Variants in TLE1 observed in about 807,000 individuals in gnomAD.
TLE1 encodes transducin-like enhancer protein 1.
TLE1 carries 21 observed loss-of-function variants against 89.8 expected under a neutral mutation model. The ratio of observed to expected loss-of-function variants is 0.23; its 90% confidence interval spans 0.17 to 0.34. The LOEUF is 0.34. TLE1 is among the 10% of genes least tolerant of loss of function. TLE1 has a pLI of 1.00. For missense variants in TLE1, 795 were observed against 1,031.2 expected (o/e 0.77, Z 3.14); for synonymous variants, 447 against 407.6 (o/e 1.10, Z -1.16).
Position 81,584,316 on chromosome 9 carries a change from A to G in TLE1, c.2206-11T>C. 1 of 1,613,564 alleles carries G rather than the reference A, an allele frequency of 6.2e-7. No homozygotes were observed. Among genetic ancestry groups the G allele is most frequent in the Non-Finnish European group, 8.5e-7 (1 of 1,179,502 alleles). On this transcript the variant is annotated splice_polypyrimidine_tract_variant and intron_variant, in intron 19 of 19. Transcript: ENST00000376499. ...CGAGGACTCTTTGGACTGGAAGAGAAAACAATGGACATGTGTTTAATGTGG... is the reference window on the plus strand; with the variant it reads ...CGAGGACTCTTTGGACTGGAAGAGAGAACAATGGACATGTGTTTAATGTGG...
intron 4 of TLE1, among the ~76,000 whole-genome samples, chr9:81,683,080 C>T (rs1833825937): frequency 6.6e-6 from 1 of 152,190 alleles, no homozygotes; most frequent in South Asian, 2.1e-4. Flanking sequence ...ACAGGAAAGT[C>T]AGCAGTGAGA....
intron 14 of TLE1, among the ~76,000 whole-genome samples, chr9:81,602,027 G>A (rs1830988546): frequency 1.3e-5 from 2 of 152,300 alleles, no homozygotes; most frequent in South Asian, 4.1e-4. Context: ...AGTGTCATAA[G>A]ATGTTTCACG....
chr9:81,674,298 T>C (rs570949995), intron 4 of TLE1, among the ~76,000 whole-genome samples: 15 of 152,342 alleles, frequency 9.8e-5, no homozygotes, highest in African/African-American at 3.4e-4. Flanking sequence ...GTCAATACAC[T>C]GGCTGGCCAC....
At chr9:81,641,167 T>C (rs910049144) in intron 6 of TLE1, among the ~76,000 whole-genome samples, 4 of 152,142 alleles carry the variant, frequency 2.6e-5, no homozygotes, top group African/African-American at 7.2e-5. Flanking sequence ...TATTTCCCTG[T>C]TCTTTAAAAC....
chr9:81,611,304 G>T (rs1201825744), intron 13 of TLE1, among the ~76,000 whole-genome samples: 1 of 152,102 alleles, frequency 6.6e-6, no homozygotes, highest in African/African-American at 2.4e-5. Flanking sequence ...TCATGCTATT[G>T]GGTTTAAAGT....
At chr9:81,599,013 CCTAA>C (rs1259505028) in intron 14 of TLE1, among the ~76,000 whole-genome samples, 14 of 152,196 alleles carry the variant, frequency 9.2e-5, no homozygotes, top group African/African-American at 3.4e-4. Flanking sequence ...GGGCACCAAG[CCTAA>C]CTAACTTGAG....
rs544096890 is a variant in TLE1 at position 81,655,367 on chromosome 9, T to TA, written c.235-1332dup. 8.2e-3 allele frequency among the ~76,000 whole-genome samples: 1,238 copies of TA among 150,686 alleles called. 17 individuals carry two copies. Among genetic ancestry groups the TA allele is most frequent in the African/African-American group, 0.028 (1,156 of 41,058 alleles). On this transcript the variant is annotated intron_variant, in intron 4 of 19. Transcript: ENST00000376499. ...GACAGTGAGACTCCACCTCAAAAAA[T>TA]AAAAAAAATAAAGAAGGCTGGAAAA...
At chr9:81,640,265 TA>T (rs1342774504) in intron 6 of TLE1, among the ~76,000 whole-genome samples, 3 of 152,106 alleles carry the variant, frequency 2.0e-5, no homozygotes, top group African/African-American at 7.2e-5. Context: ...AATTCTTGTT[TA>T]AAAAATAAAA....
chr9:81,666,808 T>TAAATAAAA (rs1564056344), intron 4 of TLE1, among the ~76,000 whole-genome samples: 3 of 133,070 alleles, frequency 2.3e-5, no homozygotes, highest in Non-Finnish European at 3.4e-5. Flanking sequence ...AATAAATAAA[T>TAAATAAAA]AAAATAAAAT....
At chr9:81,667,885 C>T (rs757764191) in intron 4 of TLE1, among the ~76,000 whole-genome samples, 4 of 152,174 alleles carry the variant, frequency 2.6e-5, no homozygotes, top group Admixed American at 6.5e-5. Flanking sequence ...TACTCAGACC[C>T]GGGCGTGATG....
At chr9:81,594,364 G>A (rs1829934721) in intron 14 of TLE1, among the ~76,000 whole-genome samples, 1 of 152,066 alleles carries the variant, frequency 6.6e-6, no homozygotes, top group Admixed American at 6.6e-5. Flanking sequence ...AAAAAAGGAT[G>A]AGTTCATGTC....
intron 4 of TLE1, among the ~76,000 whole-genome samples, chr9:81,683,715 A>AGGT (rs1833904027): frequency 6.6e-6 from 1 of 152,340 alleles, no homozygotes; most frequent in Non-Finnish European, 1.5e-5. Flanking sequence ...CCTACTATGA[A>AGGT]GAACATGGTG....
chr9:81,619,589 C>T (rs1824977212), intron 9 of TLE1, among the ~76,000 whole-genome samples: 1 of 152,214 alleles, frequency 6.6e-6, no homozygotes, highest in African/African-American at 2.4e-5. Context: ...CAGTAGATAC[C>T]TCTTCCTGCA....
chr9:81,586,009 T>C (rs983359082), intron 17 of TLE1, among the ~76,000 whole-genome samples: 16 of 146,078 alleles, frequency 1.1e-4, no homozygotes, highest in African/African-American at 4.1e-4. Flanking sequence ...AAATGTGTCG[T>C]TAGGTGACTT....
intron 8 of TLE1, among the ~76,000 whole-genome samples, chr9:81,631,820 T>C (rs1159989395): frequency 1.3e-5 from 2 of 152,210 alleles, no homozygotes; most frequent in African/African-American, 4.8e-5. Flanking sequence ...GATGACTATC[T>C]CACCGGGCAT....
At chr9:81,625,671 G>A (rs926361467) in intron 8 of TLE1, among the ~76,000 whole-genome samples, 3 of 152,126 alleles carry the variant, frequency 2.0e-5, no homozygotes, top group African/African-American at 7.2e-5. Flanking sequence ...GGCGTCAAAA[G>A]AAAATGTTAA....
rs752467586 is a variant in TLE1, at chr9:81,585,671, C to G, written c.1978-16G>C. 4 of 1,612,704 alleles carry G rather than the reference C, an allele frequency of 2.5e-6. No individual in the cohort carries two copies. The Admixed American group carries it at 6.7e-5, about 27-fold the overall frequency. On this transcript the variant is annotated splice_polypyrimidine_tract_variant and intron_variant, in intron 17 of 19. Coordinates refer to ENST00000376499, the MANE Select transcript of TLE1 (RefSeq NM_005077.5). ...GGGAGAAGATCTACAAGGAGCAAGA[C>G]AGGCTCACTCATTATTCCGCCTGAT...
At chr9:81,595,554 C>G (rs1195031264) in intron 14 of TLE1, among the ~76,000 whole-genome samples, 3 of 152,144 alleles carry the variant, frequency 2.0e-5, no homozygotes, top group East Asian at 1.9e-4. Context: ...CGCGGTGGCT[C>G]ACGCCTGTAA....
Position 81,584,118 on chromosome 9 carries a change from A to C in TLE1, c.*80T>G, listed in dbSNP as rs1587830945. On this transcript the variant is annotated 3_prime_UTR_variant, in exon 20 of 20. Coordinates refer to ENST00000376499, the MANE Select transcript of TLE1 (RefSeq NM_005077.5). ...GTGTTTGTAATTTTTTTTCTCTTTT[A>C]AAGTTACAACTTTTCTATTTCTATA... is the stretch of plus-strand genomic sequence containing the variant. 1.5e-6 allele frequency: 2 copies of C among 1,317,890 alleles called. No individual in the cohort carries two copies. The highest frequency in any genetic ancestry group is 2.3e-5 in the East Asian group (1 of 43,258). The allele number at this position is 1,317,890 out of a possible 1,614,324, so 81.6% of individuals were successfully genotyped here.
Sources: gnomAD v4.1 joint callset for allele counts (sites outside exome capture counted in the v4.1 genomes callset) on GRCh38, gnomAD v4.1.1 for gene constraint, MANE v1.5 for transcripts, NCBI Gene and HGNC (gene_info 2026-07-23, HGNC 2026-07-21) for gene names.